MYCBP2: variants seen among roughly 807,000 people sequenced by gnomAD.
The protein encoded by MYCBP2 is E3 ubiquitin-protein ligase MYCBP2.
In MYCBP2, 120 loss-of-function variants were observed where a neutral mutation model predicts 525.3. That is an observed-to-expected ratio of 0.23 (90% CI 0.20 to 0.27). The LOEUF (loss-of-function observed/expected upper bound fraction) is 0.27, where lower values mean the gene tolerates loss of function less well. Among genes scored for constraint, MYCBP2 ranks in the 10% least tolerant of loss-of-function variants. MYCBP2 has a pLI of 1.00. For missense variants in MYCBP2, 4,149 were observed against 5,657.1 expected, an observed-to-expected ratio of 0.73 and a Z score of 8.55; for synonymous variants, 1,894 against 1,955.8, an observed-to-expected ratio of 0.97 and a Z score of 0.83.
At chr13:77,176,429 T>C in intron 36 of MYCBP2, 68 bp downstream of exon 36, 1 of 1,361,816 alleles carries the variant, frequency 7.3e-7, no homozygotes, top group East Asian at 2.5e-5. Flanking sequence ...ATTCATGGAA[T>C]ACTCTTCACT....
Position 77,233,149 on chromosome 13 carries a change from C to CAA in MYCBP2, c.2737+5_2737+6dup. ...ATCCCACCTAGGTGATAAGGAAGAC[C>CAA]AAATACCTTTGTGCTTGTCCCGTTT... On this transcript the variant is annotated splice_region_variant and intron_variant, in intron 18 of 82. Coordinates refer to ENST00000544440, the MANE Select transcript of MYCBP2 (RefSeq NM_015057.5). 1 of 1,610,864 alleles carries CAA rather than the reference C, an allele frequency of 6.2e-7. No homozygotes were observed. The highest frequency in any genetic ancestry group is 8.5e-7 in the Non-Finnish European group (1 of 1,177,890).
At chr13:77,205,032 AAAACTT>A (rs2063157540) in intron 26 of MYCBP2, among the ~76,000 whole-genome samples, 1 of 152,054 alleles carries the variant, frequency 6.6e-6, no homozygotes, top group Non-Finnish European at 1.5e-5. Flanking sequence ...CATGTACCCT[AAAACTT>A]AAAGTATAAT....
At chr13:77,099,745 C>A (rs2046782526) in intron 55 of MYCBP2, 2 of 152,140 alleles carry the variant, frequency 1.3e-5, no homozygotes, top group South Asian at 4.1e-4. Flanking sequence ...TGGTAAAAGT[C>A]TGAACTGTGG....
intron 55 of MYCBP2, among the ~76,000 whole-genome samples, chr13:77,110,874 T>C (rs1264649764): frequency 1.3e-5 from 2 of 152,130 alleles, no homozygotes; most frequent in Non-Finnish European, 2.9e-5. Flanking sequence ...AATTCTCTCA[T>C]CTCAAAATGA....
At chr13:77,285,443 T>C (rs767079346) in intron 3 of MYCBP2, among the ~76,000 whole-genome samples, 8 of 152,190 alleles carry the variant, frequency 5.3e-5, no homozygotes, top group African/African-American at 1.4e-4. Context: ...ATAATTTCTA[T>C]GTAGAGCAGC....
intron 18 of MYCBP2, among the ~76,000 whole-genome samples, chr13:77,227,086 A>C (rs1218670616): frequency 6.6e-6 from 1 of 152,274 alleles, no homozygotes; most frequent in Non-Finnish European, 1.5e-5. Flanking sequence ...CGTTGAAGGA[A>C]TCCTTCATTT....
intron 52 of MYCBP2, among the ~76,000 whole-genome samples, chr13:77,133,838 G>T (rs1410404367): frequency 1.3e-5 from 2 of 152,112 alleles, no homozygotes; most frequent in African/African-American, 4.8e-5. Flanking sequence ...CTTAAGTGAA[G>T]CCATTCCACA....
chr13:77,117,778 AT>A (rs2050031206), intron 55 of MYCBP2, among the ~76,000 whole-genome samples: 2 of 152,128 alleles, frequency 1.3e-5, no homozygotes, highest in African/African-American at 4.8e-5. Flanking sequence ...GTTAAGTATA[AT>A]TTTTTTGGGT....
chr13:77,189,084 A>G, intron 29 of MYCBP2, 37 bp from the exon 30 acceptor site: 1 of 1,412,034 alleles, frequency 7.1e-7, no homozygotes, highest in Non-Finnish European at 9.7e-7. Context: ...TATGTTAGAA[A>G]GTCCAATGTC....
Position 77,156,209 on chromosome 13 carries a change from G to A in MYCBP2, c.6771-7C>T, listed in dbSNP as rs1028810222. 81 of 1,608,224 alleles carry A rather than the reference G, an allele frequency of 5.0e-5. No homozygotes were observed. Among genetic ancestry groups the A allele is most frequent in the Non-Finnish European group, 6.5e-5 (77 of 1,176,082 alleles). On this transcript the variant is annotated splice_region_variant and splice_polypyrimidine_tract_variant and intron_variant, in intron 45 of 82. Coordinates refer to ENST00000544440, the MANE Select transcript of MYCBP2 (RefSeq NM_015057.5). ...TGAATCTGGCTGAAGCCACCTAACAGTAATGAAAAACAAATAAACAAAACC... is the reference window on the plus strand; with the variant it reads ...TGAATCTGGCTGAAGCCACCTAACAATAATGAAAAACAAATAAACAAAACC...
At chr13:77,168,959 A>T (rs1368017499) in intron 39 of MYCBP2, among the ~76,000 whole-genome samples, 1 of 152,206 alleles carries the variant, frequency 6.6e-6, no homozygotes, top group Non-Finnish European at 1.5e-5. Context: ...CACTATTTTA[A>T]AACACTCTTA....
intron 58 of MYCBP2, among the ~76,000 whole-genome samples, chr13:77,093,827 T>C (rs1167917135): frequency 6.6e-6 from 1 of 152,146 alleles, no homozygotes; most frequent in African/African-American, 2.4e-5. Context: ...CATAAGATCA[T>C]ATTTGAAAAA....
Position 77,144,539 on chromosome 13 carries a change from G to C in MYCBP2, c.7209C>G (p.Ile2403Met), listed in dbSNP as rs776453159. 1.2e-6 allele frequency: 2 copies of C among 1,613,194 alleles called. No homozygotes were observed. The highest frequency in any genetic ancestry group is 1.7e-6 in the Non-Finnish European group (2 of 1,179,222). ...AATAAGTCCCATCATTATTGACACG[G>C]ATCAGCATATTCTCACTGGGTCTGA... The part of the protein sequence containing the change: ...TPKRPSENML[I>M]RVNNDGTYCA... The change falls in exon 49 of 83, where the codon ATC (isoleucine) becomes ATG (methionine). Residue 2403 changes from isoleucine to methionine, a missense_variant. Coordinates refer to ENST00000544440, the MANE Select transcript of MYCBP2 (RefSeq NM_015057.5).
chr13:77,292,497 C>G (rs941581505), intron 2 of MYCBP2, among the ~76,000 whole-genome samples: 1 of 149,540 alleles, frequency 6.7e-6, no homozygotes, highest in Non-Finnish European at 1.5e-5. Context: ...AACATTAACA[C>G]AAATCATTAT....
intron 80 of MYCBP2, among the ~76,000 whole-genome samples, chr13:77,055,152 G>A (rs892269123): frequency 2.0e-5 from 3 of 149,926 alleles, no homozygotes; most frequent in Non-Finnish European, 4.5e-5. Context: ...AAAAGAAGAA[G>A]TAGTTAAAGA....
At position 77,177,910 on chromosome 13, in the gene MYCBP2, G is replaced by C. The variant is rs1478175305; in HGVS notation, c.5178C>G (p.Asn1726Lys). 1 of 1,613,338 alleles carries C rather than the reference G, an allele frequency of 6.2e-7. No homozygotes were observed. Among genetic ancestry groups the C allele is most frequent in the Admixed American group, 1.7e-5 (1 of 60,020 alleles). ...TGCCCTGACTTGTTTTTGTAAATCG[G>C]TTAGCACTAGCTTTTACAGAGTGAA... The part of the protein sequence containing the change: ...NSLHSVKASA[N>K]RFTKTSQGRS... The change falls in exon 35 of 83, where the codon AAC becomes AAG. Residue 1726 changes from asparagine (N) to lysine (K), a missense_variant. By Grantham distance (94) the Asn-to-Lys change is moderately conservative. Transcript: ENST00000544440.
At chr13:77,066,609 G>T in intron 71 of MYCBP2, among the ~76,000 whole-genome samples, 1 of 152,024 alleles carries the variant, frequency 6.6e-6, no homozygotes, top group African/African-American at 2.4e-5. Flanking sequence ...TATATACCTT[G>T]GTGCAAATGC....
At chr13:77,230,794 C>T (rs532364439) in intron 18 of MYCBP2, among the ~76,000 whole-genome samples, 38 of 152,344 alleles carry the variant, frequency 2.5e-4, no homozygotes, top group African/African-American at 9.1e-4. Context: ...GAGAGGATTG[C>T]TTTCACTTTA....
Position 77,174,436 on chromosome 13 carries a change from A to G in MYCBP2, c.5526T>C (p.Asn1842=). The G allele has an allele frequency of 1.2e-6, 2 of 1,614,090 alleles. No homozygotes were observed. Among genetic ancestry groups the G allele is most frequent in the Non-Finnish European group, 8.5e-7 (1 of 1,179,994 alleles). The change falls in exon 37 of 83, where the codon AAT becomes AAC. Residue 1842 remains asparagine (N), a synonymous_variant. Coordinates refer to ENST00000544440, the MANE Select transcript of MYCBP2 (RefSeq NM_015057.5). ...GAACTGTGGTCATTCCTCCATCTCC[A>G]TTGGCTGTACGGCTTCCATAGTTCC... ...RLRNYGSRTA[N]GDGGMTTVQC...
Sources: gnomAD v4.1 joint callset for allele counts (sites outside exome capture counted in the v4.1 genomes callset) on GRCh38, gnomAD v4.1.1 for gene constraint, MANE v1.5 for transcripts, NCBI Gene and HGNC (gene_info 2026-07-23, HGNC 2026-07-21) for gene names.